The following CRPPA variants were observed in gnomAD, a reference collection of about 807,000 sequenced individuals.
CRPPA encodes the protein CDP-L-ribitol pyrophosphorylase A, also known as D-ribitol-5-phosphate cytidylyltransferase.
CRPPA carries 43 observed loss-of-function variants against 52.0 expected under a neutral mutation model. That is an observed-to-expected ratio of 0.83 (90% CI 0.65 to 1.07). The LOEUF (loss-of-function observed/expected upper bound fraction) is 1.07, where lower values mean the gene tolerates loss of function less well. Among genes scored for constraint, CRPPA ranks in the 50% least tolerant of loss-of-function variants. The pLI, the probability that CRPPA is intolerant of heterozygous loss-of-function variation, is 0.00. For missense variants in CRPPA, 629 were observed against 551.7 expected (o/e 1.14, Z -1.40); for synonymous variants, 250 against 203.5 (o/e 1.23, Z -1.94).
At chr7:16,318,054 G>A (rs1785184516) in intron 3 of CRPPA, among the ~76,000 whole-genome samples, 1 of 152,120 alleles carries the variant, frequency 6.6e-6, no homozygotes, top group Admixed American at 6.5e-5. Flanking sequence ...TGTCAACACA[G>A]TCTCTAACTG....
intron 9 of CRPPA, among the ~76,000 whole-genome samples, chr7:16,143,207 C>T (rs1782907024): frequency 6.6e-6 from 1 of 152,086 alleles, no homozygotes; most frequent in African/African-American, 2.4e-5. Context: ...CACCTGCAGA[C>T]AATTTTCCTC....
chr7:16,110,167 G>A (rs959284801), intron 9 of CRPPA, among the ~76,000 whole-genome samples: 4 of 151,680 alleles, frequency 2.6e-5, no homozygotes, highest in African/African-American at 9.7e-5. Flanking sequence ...GAAATCAAGA[G>A]GACAGTCACA....
intron 9 of CRPPA, among the ~76,000 whole-genome samples, chr7:16,176,030 T>C (rs1212834308): frequency 1.3e-5 from 2 of 152,112 alleles, no homozygotes; most frequent in African/African-American, 2.4e-5. Flanking sequence ...GGCCCCTAAA[T>C]TGCCAATCTT....
chr7:16,117,894 C>T lies in CRPPA; in HGVS notation c.1252-26095G>A, dbSNP rs75354068. On this transcript the variant is annotated intron_variant, in intron 9 of 9. Coordinates refer to ENST00000407010, the MANE Select transcript of CRPPA (RefSeq NM_001101426.4). ...GCACTTGTGTTATTGTAACTTACTT[C>T]CCCACCTTTGAGTCCTAGAGTGACT... Among the ~76,000 whole-genome samples, 1,004 of 152,272 alleles carry T rather than the reference C, an allele frequency of 6.6e-3. 11 individuals are homozygous for T. Among genetic ancestry groups the T allele is most frequent in the African/African-American group, 0.023 (940 of 41,566 alleles).
chr7:16,148,035 C>G (rs1783007255), intron 9 of CRPPA, among the ~76,000 whole-genome samples: 1 of 152,022 alleles, frequency 6.6e-6, no homozygotes, highest in Admixed American at 6.5e-5. Context: ...CTCTTCCAGC[C>G]CTCAATATTG....
At chr7:16,259,723 C>T (rs1029316801) in intron 6 of CRPPA, among the ~76,000 whole-genome samples, 5 of 151,844 alleles carry the variant, frequency 3.3e-5, no homozygotes, top group Admixed American at 3.3e-4. Flanking sequence ...GATATCTTTG[C>T]TATAATAATT....
chr7:16,214,082 C>T (rs904220628), intron 9 of CRPPA, among the ~76,000 whole-genome samples: 2 of 152,108 alleles, frequency 1.3e-5, no homozygotes, highest in Non-Finnish European at 2.9e-5. Flanking sequence ...AAGCTATCTA[C>T]AAAGAGGTTA....
At chr7:16,295,712 T>C (rs1173969636) in intron 5 of CRPPA, among the ~76,000 whole-genome samples, 1 of 152,106 alleles carries the variant, frequency 6.6e-6, no homozygotes, top group African/African-American at 2.4e-5. Flanking sequence ...TGGAACCGTT[T>C]GTATGGCTTA....
chr7:16,407,295 A>C (rs1299989689), intron 1 of CRPPA, among the ~76,000 whole-genome samples: 1 of 152,138 alleles, frequency 6.6e-6, no homozygotes, highest in African/African-American at 2.4e-5. Flanking sequence ...CATTTTCTTG[A>C]GGGACCTACT....
At chr7:16,356,167 T>C (rs1024002942) in intron 3 of CRPPA, among the ~76,000 whole-genome samples, 4 of 152,200 alleles carry the variant, frequency 2.6e-5, no homozygotes, top group African/African-American at 7.2e-5. Flanking sequence ...AGAAATACTT[T>C]ACTAGGCACT....
At chr7:16,307,138 A>C (rs1418112056) in intron 4 of CRPPA, among the ~76,000 whole-genome samples, 1 of 152,156 alleles carries the variant, frequency 6.6e-6, no homozygotes, top group Non-Finnish European at 1.5e-5. Context: ...TCAGATTTTG[A>C]TGGATGTTTC....
chr7:16,155,477 T>C (rs1783160976), intron 9 of CRPPA, among the ~76,000 whole-genome samples: 1 of 152,176 alleles, frequency 6.6e-6, no homozygotes, highest in African/African-American at 2.4e-5. Context: ...TTGCCTCCCT[T>C]CTGCCTCTGC....
chr7:16,376,450 T>G (rs1004373559), intron 2 of CRPPA, among the ~76,000 whole-genome samples: 1 of 152,028 alleles, frequency 6.6e-6, no homozygotes, highest in Admixed American at 6.6e-5. Flanking sequence ...TACATTAAGG[T>G]GAAATTTTCC....
chr7:16,122,958 T>C (rs1161654796), intron 9 of CRPPA, among the ~76,000 whole-genome samples: 1 of 152,038 alleles, frequency 6.6e-6, no homozygotes, highest in Non-Finnish European at 1.5e-5. Flanking sequence ...ATATGGCATA[T>C]AGAAGGAATC....
intron 5 of CRPPA, among the ~76,000 whole-genome samples, chr7:16,282,344 T>A (rs1583490113): frequency 6.6e-6 from 1 of 152,234 alleles, no homozygotes; most frequent in East Asian, 1.9e-4. Context: ...TTATTTCCTC[T>A]ATGGATTATG....
At chr7:16,315,652 G>A (rs943807421) in intron 3 of CRPPA, among the ~76,000 whole-genome samples, 2 of 151,822 alleles carry the variant, frequency 1.3e-5, no homozygotes, top group African/African-American at 4.9e-5. Flanking sequence ...TCCATAGGAA[G>A]CACAATAAGA....
chr7:16,358,752 A>T (rs896788985), intron 3 of CRPPA, among the ~76,000 whole-genome samples: 1 of 152,190 alleles, frequency 6.6e-6, no homozygotes, highest in African/African-American at 2.4e-5. Flanking sequence ...AAATATTCTG[A>T]AAAAAACTGC....
chr7:16,367,343 G>A (rs1786626850), intron 3 of CRPPA, among the ~76,000 whole-genome samples: 1 of 152,072 alleles, frequency 6.6e-6, no homozygotes, highest in Non-Finnish European at 1.5e-5. Context: ...AAACAGCCAG[G>A]GAGGAAGGCA....
intron 6 of CRPPA, among the ~76,000 whole-genome samples, chr7:16,260,215 T>C (rs1272932916): frequency 2.0e-5 from 3 of 152,038 alleles, no homozygotes; most frequent in Non-Finnish European, 4.4e-5. Flanking sequence ...ACTTGTTCCA[T>C]ACTTCCTTTG....
Sources: gnomAD v4.1 joint callset for allele counts (sites outside exome capture counted in the v4.1 genomes callset) on GRCh38, gnomAD v4.1.1 for gene constraint, MANE v1.5 for transcripts, NCBI Gene and HGNC (gene_info 2026-07-23, HGNC 2026-07-21) for gene names.